The following MORN3 variants were observed in gnomAD, a reference collection of about 807,000 sequenced individuals.
MORN3 encodes the protein MORN repeat-containing protein 3.
MORN3 carries 38 observed loss-of-function variants against 34.7 expected under a neutral mutation model. That is an observed-to-expected ratio of 1.10 (90% CI 0.85 to 1.44). The LOEUF is 1.44. Among genes scored for constraint, MORN3 ranks in the 40% most tolerant of loss-of-function variants. The pLI is 0.00. For missense variants in MORN3, 311 were observed against 321.7 expected (o/e 0.97, Z 0.25); for synonymous variants, 109 against 115.3 (o/e 0.95, Z 0.35).
chr12:121,669,520 G>A lies in MORN3; in HGVS notation c.-37C>T. 1 of 1,610,410 alleles carries A rather than the reference G, an allele frequency of 6.2e-7. No homozygotes were observed. Among genetic ancestry groups the A allele is most frequent in the Non-Finnish European group, 8.5e-7 (1 of 1,177,860 alleles). The stretch of plus-strand genomic sequence containing the variant: ...CTGCAAGGCTGGAGGGTGCTGGAAA[G>A]GGGTTAGGGACATCTGGGGCTCAGC... On this transcript the variant is annotated 5_prime_UTR_variant, in exon 1 of 6. Coordinates refer to ENST00000355329, the MANE Select transcript of MORN3 (RefSeq NM_173855.5).
chr12:121,653,883 T>C (rs1555325399), intron 3 of MORN3, among the ~76,000 whole-genome samples: 1 of 152,050 alleles, frequency 6.6e-6, no homozygotes, highest in African/African-American at 2.4e-5. Flanking sequence ...TGGCATTTAG[T>C]ACATTCACAA....
At position 121,658,944 on chromosome 12, in the gene MORN3, G is replaced by T. The variant is rs149392095; in HGVS notation, c.303+247C>A. On this transcript the variant is annotated intron_variant, in intron 2 of 5. Coordinates refer to ENST00000355329, the MANE Select transcript of MORN3 (RefSeq NM_173855.5). ...TCCCCACAAGCCTGGCTGGCTCCTC[G>T]CAACCGCAGGGTTTCGTGGGCTCCT... is the stretch of plus-strand genomic sequence containing the variant. Among the ~76,000 whole-genome samples the T allele has an allele frequency of 1.1e-3, 171 of 152,202 alleles. 1 individual carries two copies. In the East Asian group the frequency reaches 0.03, roughly 27 times the overall value.
upstream of MORN3, among the ~76,000 whole-genome samples, chr12:121,671,173 C>G (rs540647691): frequency 6.7e-6 from 1 of 149,778 alleles, no homozygotes; most frequent in African/African-American, 2.5e-5. Flanking sequence ...TTTGGGAGGC[C>G]GAGGCGGGTG....
At chr12:121,654,156 G>C (rs538777177) in intron 3 of MORN3, 118 bp downstream of exon 3, 1 of 781,168 alleles carries the variant, frequency 1.3e-6, no homozygotes, top group African/African-American at 1.8e-5. Flanking sequence ...TGACACAAGG[G>C]TCAGTGTGGG....
At chr12:121,659,157 AC>A in intron 2 of MORN3, 33 bp downstream of exon 2, 1 of 1,604,818 alleles carries the variant, frequency 6.2e-7, no homozygotes. Flanking sequence ...ACACACACAC[AC>A]ACACACACAC....
Position 121,650,868 on chromosome 12 carries a change from C to T in MORN3, c.*783G>A, listed in dbSNP as rs1555324991. 1 of 151,974 alleles carries T rather than the reference C, an allele frequency of 6.6e-6. No individual in the cohort carries two copies. Among genetic ancestry groups the T allele is most frequent in the Non-Finnish European group, 1.5e-5 (1 of 68,012 alleles). 9.4% of individuals were successfully genotyped at this position (151,974 alleles called of 1,614,324 possible). On this transcript the variant is annotated 3_prime_UTR_variant, in exon 6 of 6. Transcript: ENST00000355329. ...TCACCTGGGGAATTTTCTGAAAGCT[C>T]AGGCCTCACCCCAGATGAATTAGAT...
At chr12:121,661,897 GAGGGAGGA>G (rs201622833) in intron 1 of MORN3, among the ~76,000 whole-genome samples, 5,188 of 151,258 alleles carry the variant, frequency 0.034, 223 homozygotes, top group East Asian at 0.11. Flanking sequence ...AGGAGAGAGG[GAGGGAGGA>G]AGGGAGGAAG....
At chr12:121,659,823 T>G (rs1306095987) in intron 1 of MORN3, among the ~76,000 whole-genome samples, 1 of 150,838 alleles carries the variant, frequency 6.6e-6, no homozygotes, top group African/African-American at 2.4e-5. Flanking sequence ...AGCCACTGCG[T>G]CCGGCCAGAG....
intron 1 of MORN3, among the ~76,000 whole-genome samples, chr12:121,660,654 T>C (rs1371889547): frequency 5.6e-5 from 8 of 142,162 alleles, no homozygotes; most frequent in African/African-American, 1.0e-4. Context: ...CGGCCTTTTT[T>C]TTTCTTTCTT....
chr12:121,670,740 C>T (rs1288649794), upstream of MORN3, among the ~76,000 whole-genome samples: 2 of 149,352 alleles, frequency 1.3e-5, no homozygotes, highest in African/African-American at 2.5e-5. Flanking sequence ...ATCCAGGAGG[C>T]GGAGGTTGCA....
At chr12:121,659,653 G>C (rs1893521775) in intron 1 of MORN3, among the ~76,000 whole-genome samples, 1 of 151,418 alleles carries the variant, frequency 6.6e-6, no homozygotes, top group Non-Finnish European at 1.5e-5. Flanking sequence ...TCCTGCCTCA[G>C]CCTCCAGAGT....
At chr12:121,666,394 C>T (rs1893756063) in intron 1 of MORN3, among the ~76,000 whole-genome samples, 1 of 151,936 alleles carries the variant, frequency 6.6e-6, no homozygotes. Flanking sequence ...GTCCCAGCTA[C>T]TTGGGAGGCT....
At chr12:121,667,718 CTTTT>C (rs869040121) in intron 1 of MORN3, among the ~76,000 whole-genome samples, 2 of 144,686 alleles carry the variant, frequency 1.4e-5, no homozygotes, top group African/African-American at 5.1e-5. Flanking sequence ...TCCTCCAAGT[CTTTT>C]TTTTTTTCTT....
chr12:121,666,034 A>G (rs1893743979), intron 1 of MORN3, among the ~76,000 whole-genome samples: 1 of 152,074 alleles, frequency 6.6e-6, no homozygotes, highest in African/African-American at 2.4e-5. Context: ...TCAAGTAGGA[A>G]AATAAGGGGA....
intron 2 of MORN3, among the ~76,000 whole-genome samples, chr12:121,657,041 G>A (rs1893436138): frequency 6.6e-6 from 1 of 152,154 alleles, no homozygotes; most frequent in Non-Finnish European, 1.5e-5. Context: ...GCAAAATTAT[G>A]ACTGAGACAG....
intron 2 of MORN3, among the ~76,000 whole-genome samples, chr12:121,656,827 C>T (rs782598563): frequency 1.3e-5 from 2 of 152,014 alleles, no homozygotes; most frequent in Non-Finnish European, 2.9e-5. Context: ...AGCCTTCTGT[C>T]CTGAATTCTC....
chr12:121,657,595 C>T (rs1893448983), intron 2 of MORN3, among the ~76,000 whole-genome samples: 2 of 152,036 alleles, frequency 1.3e-5, no homozygotes, highest in African/African-American at 2.4e-5. Flanking sequence ...GGGCCAGGCG[C>T]GGTGGCTCAT....
intron 1 of MORN3, among the ~76,000 whole-genome samples, chr12:121,664,430 A>G (rs1893678888): frequency 6.6e-6 from 1 of 152,202 alleles, no homozygotes; most frequent in South Asian, 2.1e-4. Context: ...GTCCAGGCAC[A>G]GGGAACTGCA....
upstream of MORN3, among the ~76,000 whole-genome samples, chr12:121,669,832 ATT>A (rs63366260): frequency 1.8e-3 from 247 of 133,580 alleles, 3 homozygotes; most frequent in East Asian, 8.7e-3. Flanking sequence ...ATATATATAT[ATT>A]TTTTTTTTTA....
Sources: allele counts gnomAD v4.1 joint callset (sites outside exome capture counted in the v4.1 genomes callset), GRCh38; gene constraint gnomAD v4.1.1; transcripts MANE v1.5; gene names NCBI Gene and HGNC (gene_info 2026-07-23, HGNC 2026-07-21).